The following NHSL1 variants were observed in gnomAD, a reference collection of about 807,000 sequenced individuals.
NHSL1 encodes NHS like 1.
A neutral mutation model predicts 95.0 loss-of-function variants in NHSL1; 48 were observed. The observed-to-expected ratio is 0.51, with a 90% CI of 0.40 to 0.64. NHSL1 has a LOEUF of 0.64. NHSL1 is among the 30% of genes least tolerant of loss of function. NHSL1 has a pLI of 0.00. For missense variants in NHSL1, 1,971 were observed against 2,077.7 expected (o/e 0.95, Z 1.00); for synonymous variants, 783 against 833.9 (o/e 0.94, Z 1.05).
upstream of NHSL1, among the ~76,000 whole-genome samples, chr6:138,575,911 G>A (rs1260551666): frequency 6.6e-6 from 1 of 152,026 alleles, no homozygotes; most frequent in Admixed American, 6.6e-5. Context: ...AAAGCTTCCT[G>A]TATATTATTG....
Position 138,640,610 on chromosome 6 carries a change from C to G in NHSL1, c.96+51866G>C, listed in dbSNP as rs548964163. ...TTTTCCTAATAACATTTTCCTTTAT[C>G]TAGCTTTCCTTACTGTAAGAATACA... On this transcript the variant is annotated intron_variant, in intron 1 of 3. Transcript: ENST00000491526. Among the ~76,000 whole-genome samples the G allele has an allele frequency of 9.2e-5, 14 of 152,254 alleles. No individual in the cohort carries two copies. The South Asian group carries it at 2.9e-3, about 32-fold the overall frequency.
chr6:138,512,321 G>A, intron 1 of NHSL1: 1 of 455,860 alleles, frequency 2.2e-6, no homozygotes, highest in Non-Finnish European at 4.4e-6. Flanking sequence ...ACAGACTCCA[G>A]ACAATATATT....
chr6:138,480,404 G>A (rs1248846591), intron 2 of NHSL1, among the ~76,000 whole-genome samples: 2 of 152,156 alleles, frequency 1.3e-5, no homozygotes, highest in Non-Finnish European at 2.9e-5. Flanking sequence ...CATATAAGTG[G>A]ACCCTCCAAG....
At chr6:138,453,897 C>T (rs573596476) in intron 3 of NHSL1, among the ~76,000 whole-genome samples, 10 of 152,186 alleles carry the variant, frequency 6.6e-5, no homozygotes, top group Non-Finnish European at 1.2e-4. Context: ...TATTTTGGAT[C>T]TTAACTATCC....
chr6:138,436,902 C>T (rs1452619291), intron 5 of NHSL1, among the ~76,000 whole-genome samples: 1 of 152,136 alleles, frequency 6.6e-6, no homozygotes, highest in East Asian at 1.9e-4. Context: ...TGTCAGCTTA[C>T]AGCATGATTT....
intron 1 of NHSL1, among the ~76,000 whole-genome samples, chr6:138,669,454 T>A (rs6923321): frequency 6.6e-6 from 1 of 152,020 alleles, no homozygotes; most frequent in African/African-American, 2.4e-5. Flanking sequence ...TTGGCGGTAA[T>A]AAGGACTTCT....
At chr6:138,453,426 C>T (rs1186238851) in intron 3 of NHSL1, among the ~76,000 whole-genome samples, 2 of 152,088 alleles carry the variant, frequency 1.3e-5, no homozygotes, top group Non-Finnish European at 2.9e-5. Context: ...GTGATTACAG[C>T]TCATGGCAGC....
At chr6:138,634,150 G>GA (rs1784857847) in intron 1 of NHSL1, among the ~76,000 whole-genome samples, 1 of 151,994 alleles carries the variant, frequency 6.6e-6, no homozygotes, top group Admixed American at 6.6e-5. Context: ...AGGAAAGAAA[G>GA]AAGGAGAAGA....
intron 1 of NHSL1, chr6:138,650,419 G>C (rs1035600892): frequency 1.4e-6 from 2 of 1,427,986 alleles, no homozygotes; most frequent in Non-Finnish European, 2.0e-6. Context: ...GGGTAGGTCA[G>C]CATGCTCACT....
intron 3 of NHSL1, among the ~76,000 whole-genome samples, chr6:138,467,595 C>T (rs1018621738): frequency 8.5e-5 from 13 of 152,100 alleles, no homozygotes; most frequent in East Asian, 7.7e-4. Context: ...GTTATTGCCC[C>T]GAGGAACTTC....
chr6:138,653,833 C>T (rs1242189772), intron 1 of NHSL1, among the ~76,000 whole-genome samples: 5 of 152,124 alleles, frequency 3.3e-5, no homozygotes, highest in East Asian at 1.9e-4. Flanking sequence ...AAATGTTTCA[C>T]GAAACATGTC....
chr6:138,449,616 G>A (rs1263909584), intron 3 of NHSL1, among the ~76,000 whole-genome samples: 1 of 152,100 alleles, frequency 6.6e-6, no homozygotes, highest in African/African-American at 2.4e-5. Context: ...GGCTGAGGCT[G>A]CGGTGAGCTG....
chr6:138,432,492 C>A lies in NHSL1; in HGVS notation c.1853G>T (p.Gly618Val), dbSNP rs749979590. 2.1e-4 allele frequency: 319 copies of A among 1,552,256 alleles called. 2 individuals carry two copies. The East Asian group carries it at 4.0e-3, about 20-fold the overall frequency. ...ACTGCTATTGCACAGATTCCCAGAT[C>A]CATGTCCAGAGTCAGTGTGCACAGA... is the stretch of plus-strand genomic sequence containing the variant. The part of the protein sequence containing the change: ...CASVHTDSGH[G>V]SGNLCNSSDG... The change falls in exon 6 of 8, where the codon GGA becomes GTA. Residue 618 changes from glycine to valine, a missense_variant. Gly to Val is a moderately radical substitution (Grantham distance 109, BLOSUM62 -3). Around this residue, in one of 3 missense-constraint regions of NHSL1, gnomAD observed 1,602 missense variants for 1,654.5 expected, o/e 0.97. Transcript: ENST00000343505. The surrounding 1 kb of genome is among the most constrained non-coding windows in gnomAD (Gnocchi z 4.4).
upstream of NHSL1, among the ~76,000 whole-genome samples, chr6:138,501,912 T>C (rs1780702461): frequency 6.6e-6 from 1 of 152,262 alleles, no homozygotes; most frequent in South Asian, 2.1e-4. Flanking sequence ...GTAGTTGTTA[T>C]ACTGTATTGG....
intron 1 of NHSL1, among the ~76,000 whole-genome samples, chr6:138,530,342 T>TA (rs1315965901): frequency 2.0e-5 from 3 of 152,208 alleles, no homozygotes; most frequent in Non-Finnish European, 4.4e-5. Context: ...TGTAAACTAG[T>TA]ACAACCACTA....
At chr6:138,428,409 A>C (rs558102310) in intron 7 of NHSL1, among the ~76,000 whole-genome samples, 1 of 152,354 alleles carries the variant, frequency 6.6e-6, no homozygotes, top group South Asian at 2.1e-4. Context: ...TTGCCACTGA[A>C]GTTTCAAAGG....
At chr6:138,552,286 G>A (rs1315408742) in intron 1 of NHSL1, among the ~76,000 whole-genome samples, 2 of 152,068 alleles carry the variant, frequency 1.3e-5, no homozygotes, top group East Asian at 3.9e-4. Context: ...GGGCATAGTG[G>A]TGCACGCCTC....
chr6:138,523,648 A>AAAAAC (rs1781783332), intron 1 of NHSL1, among the ~76,000 whole-genome samples: 4 of 150,082 alleles, frequency 2.7e-5, no homozygotes, highest in Non-Finnish European at 4.4e-5. Flanking sequence ...AAAAAAAAAA[A>AAAAAC]AAAACAGAGC....
chr6:138,597,676 T>A (rs1327940171), intron 1 of NHSL1, among the ~76,000 whole-genome samples: 1 of 152,218 alleles, frequency 6.6e-6, no homozygotes, highest in Non-Finnish European at 1.5e-5. Context: ...CATGTAAGCA[T>A]CCAACGGTTT....
Sources: allele counts gnomAD v4.1 joint callset (sites outside exome capture counted in the v4.1 genomes callset), GRCh38; gene constraint gnomAD v4.1.1; regional missense constraint gnomAD v4.1.1; non-coding constraint Gnocchi (gnomAD v3.1); transcripts MANE v1.5; gene names NCBI Gene and HGNC (gene_info 2026-07-23, HGNC 2026-07-21).